The following COG5 variants were observed in gnomAD, a reference collection of about 807,000 sequenced individuals.
COG5 encodes the protein component of oligomeric golgi complex 5, also known as conserved oligomeric Golgi complex subunit 5.
A neutral mutation model predicts 110.4 loss-of-function variants in COG5; 86 were observed. The observed-to-expected ratio is 0.78, with a 90% CI of 0.65 to 0.93. The LOEUF (loss-of-function observed/expected upper bound fraction) is 0.93. COG5 is among the 40% of genes least tolerant of loss of function. The pLI, the probability that COG5 is intolerant of heterozygous loss-of-function variation, is 0.00. For missense variants in COG5, 1,077 were observed against 987.0 expected (o/e 1.09, Z -1.22); for synonymous variants, 360 against 334.6 (o/e 1.08, Z -0.83).
chr7:107,398,597 C>T (rs1226771776), intron 7 of COG5, among the ~76,000 whole-genome samples: 1 of 152,194 alleles, frequency 6.6e-6, no homozygotes, highest in Non-Finnish European at 1.5e-5. Flanking sequence ...GAAAAACTGT[C>T]TTCCATGAAA....
chr7:107,230,954 TTA>T (rs1031777550), intron 18 of COG5, among the ~76,000 whole-genome samples: 1 of 152,202 alleles, frequency 6.6e-6, no homozygotes, highest in African/African-American at 2.4e-5. Flanking sequence ...AGGAAAAAGT[TTA>T]TATCATTTAT....
intron 10 of COG5, among the ~76,000 whole-genome samples, chr7:107,354,408 G>T (rs1374008890): frequency 6.6e-6 from 1 of 152,214 alleles, no homozygotes; most frequent in Non-Finnish European, 1.5e-5. Flanking sequence ...GCTGGGTGTG[G>T]TGGCTCATGC....
intron 10 of COG5, among the ~76,000 whole-genome samples, chr7:107,332,086 T>C (rs1810302242): frequency 6.6e-6 from 1 of 152,120 alleles, no homozygotes; most frequent in African/African-American, 2.4e-5. Flanking sequence ...TGACCTCATG[T>C]GATCGCCCGC....
intron 6 of COG5, among the ~76,000 whole-genome samples, chr7:107,444,822 C>T (rs1460613146): frequency 1.3e-5 from 2 of 152,148 alleles, no homozygotes; most frequent in Non-Finnish European, 2.9e-5. Flanking sequence ...AAAAAAGCAT[C>T]AGTCTTAAAG....
At position 107,548,194 on chromosome 7, in the gene COG5, G is replaced by A. The variant is rs758736733; in HGVS notation, c.348-14C>T. On this transcript the variant is annotated splice_polypyrimidine_tract_variant and intron_variant, in intron 4 of 21. Coordinates refer to ENST00000297135, the MANE Select transcript of COG5 (RefSeq NM_006348.5). ...TTTGCTTTTATCCTACAGGAAAAGA[G>A]AGGAGTGAGAATAAAATCATTTTCA... 2 of 1,611,324 alleles carry A rather than the reference G, an allele frequency of 1.2e-6. No individual in the cohort carries two copies. Among genetic ancestry groups the A allele is most frequent in the Non-Finnish European group, 1.7e-6 (2 of 1,177,516 alleles).
chr7:107,387,970 G>A (rs767456576), intron 7 of COG5, among the ~76,000 whole-genome samples: 2 of 152,126 alleles, frequency 1.3e-5, no homozygotes, highest in Non-Finnish European at 2.9e-5. Context: ...ACACATTCCA[G>A]CCCATGGCTC....
chr7:107,562,562 G>T (rs986188997), intron 1 of COG5, among the ~76,000 whole-genome samples: 1 of 152,076 alleles, frequency 6.6e-6, no homozygotes, highest in Non-Finnish European at 1.5e-5. Context: ...TGAACTACTT[G>T]AGGGCAAAAA....
At chr7:107,516,470 C>G (rs1314695748) in intron 6 of COG5, among the ~76,000 whole-genome samples, 1 of 152,196 alleles carries the variant, frequency 6.6e-6, no homozygotes, top group Admixed American at 6.5e-5. Flanking sequence ...TTGATGAAAT[C>G]TAATTTATCA....
At chr7:107,450,441 A>T (rs1795263737) in intron 6 of COG5, 1 of 152,238 alleles carries the variant, frequency 6.6e-6, no homozygotes, top group African/African-American at 2.4e-5. Context: ...TCAAGGTAAC[A>T]GGAGAAGCAG....
chr7:107,423,866 T>C (rs1412349406), intron 6 of COG5, among the ~76,000 whole-genome samples: 6 of 152,098 alleles, frequency 3.9e-5, no homozygotes, highest in African/African-American at 9.7e-5. Context: ...TAAGATTCTA[T>C]AGCTAATAAG....
intron 6 of COG5, among the ~76,000 whole-genome samples, chr7:107,478,788 T>C (rs1797140524): frequency 6.6e-6 from 1 of 151,976 alleles, no homozygotes; most frequent in Admixed American, 6.6e-5. Flanking sequence ...CCTTGGGCAT[T>C]AAAAACCAGA....
At chr7:107,441,701 A>G (rs1794716891) in intron 6 of COG5, among the ~76,000 whole-genome samples, 3 of 152,168 alleles carry the variant, frequency 2.0e-5, no homozygotes, top group Non-Finnish European at 4.4e-5. Context: ...TAACTTATCC[A>G]TCTTCTGAAT....
chr7:107,288,538 T>G (rs1036648152), intron 12 of COG5, among the ~76,000 whole-genome samples: 1 of 152,124 alleles, frequency 6.6e-6, no homozygotes, highest in Non-Finnish European at 1.5e-5. Context: ...CTGATTTGTA[T>G]TGTGGTTCTG....
intron 14 of COG5, among the ~76,000 whole-genome samples, chr7:107,261,841 T>A (rs960466546): frequency 2.0e-5 from 3 of 152,096 alleles, no homozygotes; most frequent in Non-Finnish European, 4.4e-5. Flanking sequence ...TACTTATTTT[T>A]AATTTTAATT....
chr7:107,529,875 C>T (rs540923291), intron 5 of COG5, among the ~76,000 whole-genome samples: 3 of 152,214 alleles, frequency 2.0e-5, no homozygotes, highest in East Asian at 1.9e-4. Context: ...TGTACGGATT[C>T]GACACCAGTA....
intron 6 of COG5, among the ~76,000 whole-genome samples, chr7:107,473,710 C>A (rs1796789586): frequency 6.6e-6 from 1 of 151,828 alleles, no homozygotes; most frequent in Non-Finnish European, 1.5e-5. Context: ...ATTTTGTATG[C>A]TAGGAAGTTT....
chr7:107,474,118 C>T lies in COG5; in HGVS notation c.538+53119G>A, dbSNP rs775834757. On this transcript the variant is annotated intron_variant, in intron 6 of 21. Transcript: ENST00000297135. The surrounding 1 kb of genome is among the most constrained non-coding windows in gnomAD (Gnocchi z 5.7). ...GCAGTCTGAATCTAACATTACAGTG[C>T]GAGATGACATTGATGACATCAACAC... is the stretch of plus-strand genomic sequence containing the variant. 4.4e-6 allele frequency: 7 copies of T among 1,606,884 alleles called. No homozygotes were observed. The highest frequency in any genetic ancestry group is 1.7e-5 in the Admixed American group (1 of 59,650).
chr7:107,281,872 T>G lies in COG5; in HGVS notation c.1476-473A>C, dbSNP rs539137958. Among the ~76,000 whole-genome samples, 6 of 152,274 alleles carry G rather than the reference T, an allele frequency of 3.9e-5. 1 individual carries two copies. In the South Asian group the frequency reaches 1.2e-3, roughly 32 times the overall value. ...TTATGCCAATTCATGCTAGTTTCAA[T>G]AGAGTAGCTTTTTAAATAATATAAA... On this transcript the variant is annotated intron_variant, in intron 13 of 21. Transcript: ENST00000297135.
chr7:107,377,397 T>C (rs556306755), intron 7 of COG5, among the ~76,000 whole-genome samples: 16 of 152,316 alleles, frequency 1.1e-4, no homozygotes, highest in African/African-American at 3.8e-4. Flanking sequence ...TTAGTTTTTG[T>C]TGGGTCTGTT....
Sources: allele counts gnomAD v4.1 joint callset (sites outside exome capture counted in the v4.1 genomes callset), GRCh38; gene constraint gnomAD v4.1.1; non-coding constraint Gnocchi (gnomAD v3.1); transcripts MANE v1.5; gene names NCBI Gene and HGNC (gene_info 2026-07-23, HGNC 2026-07-21).